The following PSIP1 variants were observed in gnomAD, a reference collection of about 807,000 sequenced individuals.
PSIP1 encodes PC4 and SRSF1 interacting protein 1, also known as PC4 and SFRS1-interacting protein.
Under a neutral mutation model 74.7 loss-of-function variants are expected in PSIP1, and 19 were observed. The observed-to-expected ratio is 0.25, with a 90% CI of 0.18 to 0.37. The LOEUF is 0.37. Among genes scored for constraint, PSIP1 ranks in the 10% least tolerant of loss-of-function variants. The probability of loss-of-function intolerance (pLI) is 1.00; values close to 1 mark genes in which losing one functional copy is unlikely to be tolerated. For missense variants in PSIP1, 601 were observed against 614.3 expected (o/e 0.98, Z 0.23); for synonymous variants, 222 against 195.3 (o/e 1.14, Z -1.14).
At chr9:15,472,558 GAA>G in intron 10 of PSIP1, 72 bp downstream of exon 10, 1 of 1,515,020 alleles carries the variant, frequency 6.6e-7, no homozygotes, top group Admixed American at 2.5e-5. Flanking sequence ...TCTGGAAAAT[GAA>G]AGTCTATTAT....
At chr9:15,470,883 C>T (rs1415892107) in intron 10 of PSIP1, 6 of 1,080,534 alleles carry the variant, frequency 5.6e-6, no homozygotes, top group African/African-American at 1.8e-5. Context: ...CCACCATCTT[C>T]GTCTGAGCTT....
At chr9:15,469,136 A>C in intron 12 of PSIP1, 78 bp from the exon 13 acceptor site, 1 of 1,434,328 alleles carries the variant, frequency 7.0e-7, no homozygotes, top group Non-Finnish European at 9.6e-7. Flanking sequence ...ATCGTTTCCA[A>C]AAAAAAAGAG....
At chr9:15,478,188 T>C (rs1223967159) in intron 8 of PSIP1, among the ~76,000 whole-genome samples, 1 of 151,368 alleles carries the variant, frequency 6.6e-6, no homozygotes, top group African/African-American at 2.4e-5. Context: ...CTAAAATTCC[T>C]GAAACATACC....
intron 3 of PSIP1, among the ~76,000 whole-genome samples, chr9:15,497,135 A>G (rs973072092): frequency 6.6e-6 from 1 of 152,234 alleles, no homozygotes; most frequent in African/African-American, 2.4e-5. Context: ...CATAAAAGCC[A>G]AAAGTAAAAA....
intron 3 of PSIP1, among the ~76,000 whole-genome samples, chr9:15,498,449 A>G (rs16933330): frequency 0.025 from 3,754 of 151,976 alleles, 154 homozygotes; most frequent in African/African-American, 0.085. Context: ...ACAAAGAGTA[A>G]GATATGCTCA....
At chr9:15,481,425 G>T (rs1010230632) in intron 6 of PSIP1, among the ~76,000 whole-genome samples, 1 of 152,246 alleles carries the variant, frequency 6.6e-6, no homozygotes, top group East Asian at 1.9e-4. Context: ...GGGTGCAGTG[G>T]CCCATGCCTG....
chr9:15,488,284 T>C (rs1439487692), intron 4 of PSIP1, among the ~76,000 whole-genome samples: 1 of 151,990 alleles, frequency 6.6e-6, no homozygotes, highest in Non-Finnish European at 1.5e-5. Context: ...TGAGCCGAGA[T>C]CACGCCACTG....
rs192700013 is a variant in PSIP1, at chr9:15,474,089, T to C, written c.778A>G (p.Lys260Glu). Residue 260 changes from lysine (K) to glutamate (E), a missense_variant, in exon 9 of 16, where the codon AAA (lysine) becomes GAA (glutamate). Around this residue, in one of 2 missense-constraint regions of PSIP1, gnomAD observed 538 missense variants for 507.6 expected, o/e 1.06. Coordinates refer to ENST00000380733, the MANE Select transcript of PSIP1 (RefSeq NM_033222.5). Reference protein sequence around the residue: ...KKEGKKEVESKRKNLAKTGVT... With the variant: ...KKEGKKEVESERKNLAKTGVT... ...CCTGTTTTAGCTAAATTTTTCCTTT[T>C]TGATTCAACTTCTTTCTTCCCCTCT... 6.2e-7 allele frequency: 1 copy of C among 1,613,892 alleles called. No homozygotes were observed. Among genetic ancestry groups the C allele is most frequent in the Admixed American group, 1.7e-5 (1 of 59,988 alleles).
chr9:15,502,166 G>GA (rs961940203), intron 3 of PSIP1, among the ~76,000 whole-genome samples: 6 of 152,002 alleles, frequency 3.9e-5, no homozygotes, highest in African/African-American at 9.7e-5. Context: ...AACCCCCGTG[G>GA]AAAAAACTGT....
chr9:15,473,962 T>G, intron 9 of PSIP1, 47 bp downstream of exon 9: 1 of 1,262,188 alleles, frequency 7.9e-7, no homozygotes, highest in Non-Finnish European at 1.1e-6. Flanking sequence ...AAAATATATA[T>G]ATAAACTAAG....
intron 4 of PSIP1, among the ~76,000 whole-genome samples, chr9:15,488,746 A>G (rs1250856197): frequency 6.6e-6 from 1 of 151,598 alleles, no homozygotes; most frequent in East Asian, 1.9e-4. Flanking sequence ...ATTAGGCTGG[A>G]CACAGTGGCT....
Position 15,469,951 on chromosome 9 carries a change from C to T in PSIP1, c.1020G>A (p.Val340=). ...GAAATAACTAACCTCGCTTCTTCTCCACTTTCTTAACTTCTGGCTTCTTTC... is the reference window on the plus strand; with the variant it reads ...GAAATAACTAACCTCGCTTCTTCTCTACTTTCTTAACTTCTGGCTTCTTTC... ...DEGKKPEVKK[V]EKKRETSMDS... The change falls in exon 11 of 16, where the codon GTG becomes GTA. Residue 340 remains valine (V), a synonymous_variant. Transcript: ENST00000380733. The T allele has an allele frequency of 1.9e-6, 3 of 1,607,748 alleles. No individual in the cohort carries two copies. Among genetic ancestry groups the T allele is most frequent in the Non-Finnish European group, 2.5e-6 (3 of 1,177,878 alleles).
intron 5 of PSIP1, among the ~76,000 whole-genome samples, chr9:15,486,494 T>A (rs1262039160): frequency 1.3e-5 from 2 of 152,148 alleles, no homozygotes; most frequent in Admixed American, 6.5e-5. Context: ...AACCTAGGTT[T>A]TAAAAAATTT....
At chr9:15,477,247 T>C (rs576884141) in intron 8 of PSIP1, among the ~76,000 whole-genome samples, 1 of 152,332 alleles carries the variant, frequency 6.6e-6, no homozygotes, top group Admixed American at 6.5e-5. Context: ...TATGTGTTTA[T>C]GGTGTGCAAC....
chr9:15,479,952 A>G (rs2777949), intron 6 of PSIP1, among the ~76,000 whole-genome samples: 19,219 of 152,196 alleles, frequency 0.13, 1,421 homozygotes, highest in African/African-American at 0.21. Flanking sequence ...TCTTGATGCG[A>G]TATGGAGAAC....
intron 1 of PSIP1, among the ~76,000 whole-genome samples, 164 bp downstream of exon 1, chr9:15,510,653 G>T (rs1010691017): frequency 2.3e-4 from 35 of 152,068 alleles, no homozygotes; most frequent in African/African-American, 7.0e-4. Flanking sequence ...TCCGAGAAGC[G>T]AGCGGCCCCC....
chr9:15,474,120 A>G lies in PSIP1; in HGVS notation c.747T>C (p.Asp249=), dbSNP rs746606134. ...KEEDKPRKEP[D]KKEGKKEVES... The stretch of plus-strand genomic sequence containing the variant: ...CAACTTCTTTCTTCCCCTCTTTTTT[A>G]TCCGGCTCTTTTCTTGGCTTATCTT... Residue 249 remains aspartate (D), a synonymous_variant, in exon 9 of 16, where the codon GAT becomes GAC. Transcript: ENST00000380733. 6.2e-7 allele frequency: 1 copy of G among 1,613,200 alleles called. No homozygotes were observed. The highest frequency in any genetic ancestry group is 8.5e-7 in the Non-Finnish European group (1 of 1,179,732).
At chr9:15,485,189 T>C (rs1379052742) in intron 6 of PSIP1, among the ~76,000 whole-genome samples, 1 of 152,180 alleles carries the variant, frequency 6.6e-6, no homozygotes, top group Non-Finnish European at 1.5e-5. Context: ...ATCAGGTTTT[T>C]TTGGTACCCA....
intron 6 of PSIP1, among the ~76,000 whole-genome samples, chr9:15,484,456 G>A (rs1245345356): frequency 6.6e-6 from 1 of 151,918 alleles, no homozygotes; most frequent in African/African-American, 2.4e-5. Flanking sequence ...AAAATTAGCT[G>A]GGCGTGGTGG....
Sources: gnomAD v4.1 joint callset for allele counts (sites outside exome capture counted in the v4.1 genomes callset) on GRCh38, gnomAD v4.1.1 for gene constraint, gnomAD v4.1.1 regional missense constraint, MANE v1.5 for transcripts, NCBI Gene and HGNC (gene_info 2026-07-23, HGNC 2026-07-21) for gene names.